MTCL1: variants seen among roughly 807,000 people sequenced by gnomAD.
MTCL1 encodes microtubule crosslinking factor 1.
Under a neutral mutation model 141.4 loss-of-function variants are expected in MTCL1, and 79 were observed. That is an observed-to-expected ratio of 0.56 (90% CI 0.47 to 0.67). MTCL1 has a LOEUF of 0.67. Among genes scored for constraint, MTCL1 ranks in the 30% least tolerant of loss-of-function variants. The pLI is 0.00. For missense variants in MTCL1, 2,177 were observed against 2,113.9 expected (o/e 1.03, Z -0.59); for synonymous variants, 914 against 875.8 (o/e 1.04, Z -0.77).
chr18:8,796,382 T>C (rs776787076), exon 9 of MTCL1: 4 of 1,614,052 alleles, frequency 2.5e-6, no homozygotes, highest in African/African-American at 2.7e-5. Flanking sequence ...CATTTTCCTC[T>C]TCTACGTCAA....
exon 17 of MTCL1, chr18:8,831,812 A>T (rs1325680971): frequency 1.3e-6 from 2 of 1,550,054 alleles, no homozygotes; most frequent in Non-Finnish European, 1.7e-6. Flanking sequence ...GCAAGCTTGC[A>T]TGGATTATCA....
chr18:8,826,432 G>A (rs2077029398), intron 15 of MTCL1, among the ~76,000 whole-genome samples, 200 bp downstream of exon 14: 1 of 152,214 alleles, frequency 6.6e-6, no homozygotes, highest in South Asian at 2.1e-4. Context: ...TGAAGAAAAT[G>A]TTATTTTATT....
chr18:8,823,534 G>A (rs1393491362), intron 14 of MTCL1, among the ~76,000 whole-genome samples: 1 of 152,236 alleles, frequency 6.6e-6, no homozygotes, highest in Non-Finnish European at 1.5e-5. Context: ...GAAAGCTCAT[G>A]ACCTTGGGAC....
At chr18:8,809,620 A>C (rs1238223752) in intron 11 of MTCL1, 2 of 1,529,862 alleles carry the variant, frequency 1.3e-6, no homozygotes, top group East Asian at 4.9e-5. Context: ...GAGGGCACAC[A>C]CCTGAAAAAA....
At chr18:8,813,959 C>T (rs371494625) in intron 12 of MTCL1, among the ~76,000 whole-genome samples, 2 of 152,308 alleles carry the variant, frequency 1.3e-5, no homozygotes, top group South Asian at 4.2e-4. Flanking sequence ...TGGAATTCTT[C>T]CCTGGCTGGA....
At chr18:8,757,294 C>T (rs996892811) in intron 4 of MTCL1, among the ~76,000 whole-genome samples, 7 of 152,124 alleles carry the variant, frequency 4.6e-5, no homozygotes, top group Admixed American at 3.9e-4. Flanking sequence ...TAAGTTTTAG[C>T]TTCTACAGGA....
At chr18:8,824,929 G>T in exon 15 of MTCL1, 1 of 1,613,736 alleles carries the variant, frequency 6.2e-7, no homozygotes, top group Non-Finnish European at 8.5e-7. Context: ...GAGGTGGGGC[G>T]GGCAGGGCAC....
intron 4 of MTCL1, among the ~76,000 whole-genome samples, chr18:8,769,957 C>T (rs1283823080): frequency 3.3e-5 from 5 of 152,222 alleles, no homozygotes; most frequent in South Asian, 2.1e-4. Context: ...GCAGCACCTG[C>T]GAATGTAGCA....
At chr18:8,799,197 T>G (rs1598722130) in intron 10 of MTCL1, among the ~76,000 whole-genome samples, 1 of 152,126 alleles carries the variant, frequency 6.6e-6, no homozygotes, top group African/African-American at 2.4e-5. Context: ...CAACTGCTGC[T>G]CCTCCCTGGC....
At chr18:8,777,947 T>C (rs1421838183) in intron 5 of MTCL1, 55 bp downstream of exon 4, 1 of 1,516,474 alleles carries the variant, frequency 6.6e-7, no homozygotes, top group African/African-American at 1.4e-5. Flanking sequence ...AGTCAACTCA[T>C]TTTGAATGTT....
At chr18:8,718,624 T>A in exon 3 of MTCL1, 2 of 1,613,248 alleles carry the variant, frequency 1.2e-6, no homozygotes, top group Non-Finnish European at 1.7e-6. Context: ...GTGAGCTTAT[T>A]CGAAGCCTGG....
chr18:8,792,899 C>T, intron 7 of MTCL1, 99 bp from the exon 7 acceptor site: 6 of 1,504,620 alleles, frequency 4.0e-6, no homozygotes, highest in Non-Finnish European at 5.4e-6. Flanking sequence ...CTGTGTCGCT[C>T]CGTGTGCGTC....
At chr18:8,751,790 G>A (rs1011154779) in intron 4 of MTCL1, among the ~76,000 whole-genome samples, 2 of 152,186 alleles carry the variant, frequency 1.3e-5, no homozygotes, top group African/African-American at 4.8e-5. Context: ...GACTAGACGA[G>A]GTTAGAAATG....
rs563065821 is a variant in MTCL1, at chr18:8,709,959, C to A, written c.1053+3246C>A. ...GATTCAAGCAGTTCTCCTGCCTCAG[C>A]CTCCGGAGTAGCTGGGATTACAAGT... On this transcript the variant is annotated intron_variant, in intron 1 of 13. Coordinates refer to the MTCL1 transcript ENST00000306329. Among the ~76,000 whole-genome samples, 4 of 152,254 alleles carry A rather than the reference C, an allele frequency of 2.6e-5. No individual in the cohort carries two copies. The East Asian group carries it at 7.7e-4, about 29-fold the overall frequency.
Position 8,784,858 on chromosome 18 carries a change from G to T in MTCL1, c.1731+15G>T. On this transcript the variant is annotated intron_variant, in intron 6 of 16. Coordinates refer to ENST00000359865, the Ensembl canonical transcript of MTCL1. Reference sequence around the variant, plus strand: ...CAGACTTGCAGGTAAGGGGGCTCGTGGCTTCGCCTCCCTGCTCCGCCTTGC... The same window carrying T: ...CAGACTTGCAGGTAAGGGGGCTCGTTGCTTCGCCTCCCTGCTCCGCCTTGC... 6.4e-7 allele frequency: 1 copy of T among 1,560,610 alleles called. No individual in the cohort carries two copies.
At chr18:8,754,567 A>G (rs2096387836) in intron 4 of MTCL1, among the ~76,000 whole-genome samples, 1 of 152,210 alleles carries the variant, frequency 6.6e-6, no homozygotes, top group South Asian at 2.1e-4. Context: ...GTAATGAGAT[A>G]CCAGTAATGT....
At chr18:8,771,978 A>C (rs955261681) in intron 4 of MTCL1, among the ~76,000 whole-genome samples, 36 of 152,232 alleles carry the variant, frequency 2.4e-4, no homozygotes, top group African/African-American at 7.7e-4. Flanking sequence ...TAAACTGGGC[A>C]TGACTAATGT....
chr18:8,719,589 A>G (rs1170165370), intron 3 of MTCL1, among the ~76,000 whole-genome samples: 1 of 152,144 alleles, frequency 6.6e-6, no homozygotes, highest in African/African-American at 2.4e-5. Flanking sequence ...TAGAGATAGA[A>G]TCTTGCTCTG....
chr18:8,784,111 C>T, exon 6 of MTCL1: 1 of 1,613,490 alleles, frequency 6.2e-7, no homozygotes, highest in Non-Finnish European at 8.5e-7. Context: ...GTGGGGCCCC[C>T]CTGCAGGAGG....
Sources: allele counts gnomAD v4.1 joint callset (sites outside exome capture counted in the v4.1 genomes callset), GRCh38; gene constraint gnomAD v4.1.1; transcripts MANE v1.5; gene names NCBI Gene and HGNC (gene_info 2026-07-23, HGNC 2026-07-21).